BNC2: variants seen among roughly 807,000 people sequenced by gnomAD.
BNC2 encodes the protein basonuclin zinc finger protein 2.
A neutral mutation model predicts 76.3 loss-of-function variants in BNC2; 20 were observed. The observed-to-expected ratio is 0.26, with a 90% confidence interval of 0.18 to 0.38. The LOEUF (loss-of-function observed/expected upper bound fraction) is 0.38, where lower values mean the gene tolerates loss of function less well. BNC2 is among the 10% of genes least tolerant of loss of function. BNC2 has a pLI of 1.00. For missense variants in BNC2, 1,382 were observed against 1,399.8 expected (o/e 0.99, Z 0.20); for synonymous variants, 582 against 514.8 (o/e 1.13, Z -1.77).
intron 3 of BNC2, among the ~76,000 whole-genome samples, chr9:16,585,368 T>C (rs1336715070): frequency 6.6e-6 from 1 of 152,172 alleles, no homozygotes; most frequent in Non-Finnish European, 1.5e-5. Flanking sequence ...TTATGAATTC[T>C]ATTCTTTTTG....
intron 3 of BNC2, among the ~76,000 whole-genome samples, chr9:16,610,183 A>C (rs1456829895): frequency 1.3e-5 from 2 of 152,166 alleles, no homozygotes; most frequent in African/African-American, 2.4e-5. Context: ...CAGAAGGATA[A>C]CAGTACAAGG....
chr9:16,530,413 C>T (rs1265198064), intron 5 of BNC2, among the ~76,000 whole-genome samples: 3 of 152,032 alleles, frequency 2.0e-5, no homozygotes, highest in Non-Finnish European at 2.9e-5. Context: ...CACATTTCAC[C>T]CCCTTCATGA....
At chr9:16,836,497 C>A (rs1818710438) in intron 1 of BNC2, among the ~76,000 whole-genome samples, 1 of 151,200 alleles carries the variant, frequency 6.6e-6, no homozygotes, top group Non-Finnish European at 1.5e-5. Context: ...AAAACTTTGG[C>A]CCAGCTCTTC....
intron 3 of BNC2, among the ~76,000 whole-genome samples, chr9:16,721,340 A>C (rs1824151125): frequency 6.6e-6 from 1 of 152,142 alleles, no homozygotes; most frequent in South Asian, 2.1e-4. Context: ...TCTAAAGCTT[A>C]AAAATAGATG....
At chr9:16,777,859 T>C (rs1826013006) in intron 1 of BNC2, among the ~76,000 whole-genome samples, 1 of 152,196 alleles carries the variant, frequency 6.6e-6, no homozygotes, top group African/African-American at 2.4e-5. Flanking sequence ...GGTACTCCCA[T>C]ACAATGGAAT....
intron 1 of BNC2, among the ~76,000 whole-genome samples, chr9:16,821,620 A>C (rs947304044): frequency 6.6e-6 from 1 of 152,176 alleles, no homozygotes; most frequent in Admixed American, 6.5e-5. Flanking sequence ...TAAACTGTAG[A>C]AGTTGCAAGG....
chr9:16,495,277 A>T (rs1483841823), intron 5 of BNC2, among the ~76,000 whole-genome samples: 1 of 152,222 alleles, frequency 6.6e-6, no homozygotes, highest in Non-Finnish European at 1.5e-5. Flanking sequence ...GAAAAAAATC[A>T]ACAGCAAATA....
intron 3 of BNC2, among the ~76,000 whole-genome samples, chr9:16,715,824 A>G (rs916378226): frequency 3.9e-5 from 6 of 152,122 alleles, no homozygotes; most frequent in African/African-American, 9.7e-5. Flanking sequence ...TACTCCTTAA[A>G]ATGTCATACT....
chr9:16,463,794 C>T lies in BNC2; in HGVS notation c.670-26270G>A, dbSNP rs1401196404. Among the ~76,000 whole-genome samples, 6 of 151,888 alleles carry T rather than the reference C, an allele frequency of 4.0e-5. No individual in the cohort carries two copies. The East Asian group carries it at 7.8e-4, about 20-fold the overall frequency. On this transcript the variant is annotated intron_variant, in intron 5 of 6. Transcript: ENST00000380672. ...AAATAGGGTCAGGCATGGTGGTTCA[C>T]GTCTGTAATCCCAGCACTTTGGGAG... is the stretch of plus-strand genomic sequence containing the variant.
chr9:16,601,297 A>C (rs1820237061), intron 3 of BNC2, among the ~76,000 whole-genome samples: 1 of 152,124 alleles, frequency 6.6e-6, no homozygotes, highest in Non-Finnish European at 1.5e-5. Context: ...GCCTCCTCAA[A>C]TTTTGTACCT....
At chr9:16,696,203 A>C (rs1335963905) in intron 3 of BNC2, among the ~76,000 whole-genome samples, 2 of 152,178 alleles carry the variant, frequency 1.3e-5, no homozygotes, top group East Asian at 3.9e-4. Context: ...ACATTCTCCT[A>C]GATCATGTTT....
intron 6 of BNC2, 112 bp from the exon 7 acceptor site, chr9:16,419,761 T>A (rs913224062): frequency 8.2e-6 from 6 of 734,812 alleles, no homozygotes; most frequent in Non-Finnish European, 1.4e-5. Context: ...AATAAGCACA[T>A]TCACTTCTAA....
At chr9:16,452,235 T>C (rs1170222490) in intron 5 of BNC2, among the ~76,000 whole-genome samples, 1 of 152,188 alleles carries the variant, frequency 6.6e-6, no homozygotes, top group Non-Finnish European at 1.5e-5. Flanking sequence ...TAGAAAATGC[T>C]TTTGGGAATG....
chr9:16,860,324 G>C (rs1180073456), intron 1 of BNC2, among the ~76,000 whole-genome samples: 1 of 152,096 alleles, frequency 6.6e-6, no homozygotes, highest in African/African-American at 2.4e-5. Context: ...TGTGGTACTG[G>C]CACAAGGACA....
chr9:16,629,185 G>A (rs1031248840), intron 3 of BNC2, among the ~76,000 whole-genome samples: 3 of 152,140 alleles, frequency 2.0e-5, no homozygotes, highest in Non-Finnish European at 4.4e-5. Context: ...GCCTAATTTA[G>A]CCAAACACAT....
intron 3 of BNC2, among the ~76,000 whole-genome samples, chr9:16,611,543 A>T (rs959038362): frequency 6.6e-6 from 1 of 152,190 alleles, no homozygotes; most frequent in African/African-American, 2.4e-5. Context: ...TGAAAAGGTG[A>T]GGCTAATAGC....
At chr9:16,498,015 G>GTA (rs1381281940) in intron 5 of BNC2, among the ~76,000 whole-genome samples, 12 of 140,568 alleles carry the variant, frequency 8.5e-5, no homozygotes, top group Middle Eastern at 3.5e-3. Context: ...GTGTGTGTGT[G>GTA]TGTATGTATT....
At chr9:16,813,825 T>TTA (rs1187139311) in intron 1 of BNC2, among the ~76,000 whole-genome samples, 1 of 152,152 alleles carries the variant, frequency 6.6e-6, no homozygotes, top group Non-Finnish European at 1.5e-5. Context: ...TGTTTTTGTT[T>TTA]TATATATATC....
intron 5 of BNC2, among the ~76,000 whole-genome samples, chr9:16,548,620 G>C (rs1036598667): frequency 2.0e-5 from 3 of 152,098 alleles, no homozygotes; most frequent in African/African-American, 7.2e-5. Flanking sequence ...GGCCAGGCTG[G>C]TCTCAAACTC....
Sources: allele counts gnomAD v4.1 joint callset (sites outside exome capture counted in the v4.1 genomes callset), GRCh38; gene constraint gnomAD v4.1.1; transcripts MANE v1.5; gene names NCBI Gene and HGNC (gene_info 2026-07-23, HGNC 2026-07-21).